The following PDE10A variants were observed in gnomAD, a reference collection of about 807,000 sequenced individuals.
PDE10A encodes phosphodiesterase 10A, also known as cAMP and cAMP-inhibited cGMP 3',5'-cyclic phosphodiesterase 10A.
A neutral mutation model predicts 97.7 loss-of-function variants in PDE10A; 39 were observed. The observed-to-expected ratio is 0.40, with a 90% CI of 0.31 to 0.52. PDE10A has a LOEUF of 0.52. Among genes scored for constraint, PDE10A ranks in the 20% least tolerant of loss-of-function variants. PDE10A has a pLI of 0.56. For synonymous variants in PDE10A, 371 were observed against 376.8 expected (o/e 0.98, Z 0.18); for missense variants, 731 against 1,047.8 (o/e 0.70, Z 4.17).
intron 1 of PDE10A, among the ~76,000 whole-genome samples, chr6:165,566,107 T>C (rs921363843): frequency 6.6e-6 from 1 of 152,204 alleles, no homozygotes; most frequent in Non-Finnish European, 1.5e-5. Flanking sequence ...TAAGATTTTC[T>C]GCTCTGCAAA....
chr6:165,846,076 A>G (rs116876685), intron 1 of PDE10A, among the ~76,000 whole-genome samples: 1,860 of 152,280 alleles, frequency 0.012, 20 homozygotes, highest in Non-Finnish European at 0.018. Context: ...CCTACAATCA[A>G]TTTTTGTCAT....
intron 3 of PDE10A, among the ~76,000 whole-genome samples, chr6:165,479,312 G>A (rs1178718955): frequency 3.3e-5 from 5 of 151,990 alleles, no homozygotes; most frequent in South Asian, 2.1e-4. Context: ...CTCTCAATTC[G>A]ACAGCTAGAA....
chr6:165,462,608 C>T (rs377390600), intron 3 of PDE10A, among the ~76,000 whole-genome samples: 15 of 152,264 alleles, frequency 9.9e-5, no homozygotes, highest in Non-Finnish European at 1.6e-4. Flanking sequence ...TCGAGACTGA[C>T]GCTGAGGAGG....
At chr6:165,859,487 GATTT>G (rs1396425656) in intron 1 of PDE10A, among the ~76,000 whole-genome samples, 2 of 152,074 alleles carry the variant, frequency 1.3e-5, no homozygotes, top group Non-Finnish European at 2.9e-5. Context: ...TACATTTACT[GATTT>G]ATTATAAGGG....
chr6:165,376,129 G>C (rs1416418137), intron 18 of PDE10A, among the ~76,000 whole-genome samples: 2 of 152,206 alleles, frequency 1.3e-5, no homozygotes, highest in Non-Finnish European at 2.9e-5. Context: ...AGCTGTTATA[G>C]ACAGTGATTC....
At chr6:165,402,447 G>T (rs1786742509) in intron 13 of PDE10A, among the ~76,000 whole-genome samples, 1 of 151,876 alleles carries the variant, frequency 6.6e-6, no homozygotes, top group South Asian at 2.1e-4. Flanking sequence ...TATAATCTAG[G>T]ATTATTAGTA....
intron 3 of PDE10A, among the ~76,000 whole-genome samples, chr6:165,462,832 T>A (rs1033868630): frequency 8.5e-5 from 13 of 152,264 alleles, no homozygotes; most frequent in Non-Finnish European, 1.9e-4. Context: ...TTATTGGGCA[T>A]ATTTATCAAT....
At chr6:165,894,023 T>G (rs1781873240) in intron 1 of PDE10A, among the ~76,000 whole-genome samples, 2 of 152,114 alleles carry the variant, frequency 1.3e-5, no homozygotes. Flanking sequence ...CCTGGGCACC[T>G]TGTCTCCCCT....
intron 1 of PDE10A, among the ~76,000 whole-genome samples, chr6:165,844,410 G>A (rs1780350562): frequency 6.6e-6 from 1 of 152,186 alleles, no homozygotes; most frequent in Non-Finnish European, 1.5e-5. Flanking sequence ...AGAAAAGTGT[G>A]TTGCATAATA....
At chr6:165,918,955 G>A (rs141643462) in intron 1 of PDE10A, among the ~76,000 whole-genome samples, 2 of 152,228 alleles carry the variant, frequency 1.3e-5, no homozygotes, top group African/African-American at 2.4e-5. Context: ...AATGGCAAAA[G>A]CATAAATGCA....
chr6:165,637,188 C>A (rs1360688440), intron 1 of PDE10A, among the ~76,000 whole-genome samples: 2 of 152,182 alleles, frequency 1.3e-5, no homozygotes. Context: ...CCAGGATTTG[C>A]AGCTAGCTAG....
intron 1 of PDE10A, among the ~76,000 whole-genome samples, chr6:165,941,927 C>A (rs79821458): frequency 0.043 from 6,586 of 152,156 alleles, 203 homozygotes; most frequent in Non-Finnish European, 0.061. Flanking sequence ...CCCAAAGATC[C>A]CCCATCACCA....
At chr6:165,920,984 C>T (rs1583285997) in intron 1 of PDE10A, among the ~76,000 whole-genome samples, 1 of 152,272 alleles carries the variant, frequency 6.6e-6, no homozygotes, top group East Asian at 1.9e-4. Flanking sequence ...ACTCCAAAGA[C>T]TCATTTTGTC....
intron 1 of PDE10A, among the ~76,000 whole-genome samples, chr6:165,842,121 T>C (rs766003448): frequency 9.2e-5 from 14 of 152,252 alleles, no homozygotes; most frequent in South Asian, 2.1e-4. Context: ...AAATTATGTA[T>C]ACTTGATAGC....
At chr6:165,554,568 T>C (rs752729110) in intron 1 of PDE10A, among the ~76,000 whole-genome samples, 13 of 152,170 alleles carry the variant, frequency 8.5e-5, no homozygotes, top group Non-Finnish European at 1.6e-4. Context: ...GTGGTATGAA[T>C]ATAAATTAGT....
chr6:165,588,286 T>TC (rs1475347317), intron 1 of PDE10A, among the ~76,000 whole-genome samples: 2 of 46,686 alleles, frequency 4.3e-5, no homozygotes, highest in African/African-American at 8.1e-5. Flanking sequence ...TTTTTCTTTT[T>TC]TTTTTTTTTT....
At chr6:165,575,283 T>C (rs1321810831) in intron 1 of PDE10A, among the ~76,000 whole-genome samples, 2 of 152,202 alleles carry the variant, frequency 1.3e-5, no homozygotes, top group Non-Finnish European at 2.9e-5. Flanking sequence ...CTTTTCTGCC[T>C]CTTAGATGGC....
intron 1 of PDE10A, among the ~76,000 whole-genome samples, chr6:165,547,493 T>C (rs902370726): frequency 1.0e-4 from 15 of 149,664 alleles, no homozygotes; most frequent in Non-Finnish European, 4.5e-5. Context: ...GTACATGTAG[T>C]GGTTAGATTT....
At chr6:165,923,944 A>G (rs978790043) in intron 1 of PDE10A, among the ~76,000 whole-genome samples, 2 of 152,226 alleles carry the variant, frequency 1.3e-5, no homozygotes, top group Admixed American at 6.5e-5. Flanking sequence ...ACATTGGGAA[A>G]CAAAGGCAGG....
Sources: gnomAD v4.1 joint callset for allele counts (sites outside exome capture counted in the v4.1 genomes callset) on GRCh38, gnomAD v4.1.1 for gene constraint, MANE v1.5 for transcripts, NCBI Gene and HGNC (gene_info 2026-07-23, HGNC 2026-07-21) for gene names.